The following DMGDH variants were observed in gnomAD, a reference collection of about 807,000 sequenced individuals.
DMGDH encodes the protein dimethylglycine dehydrogenase.
In DMGDH, 76 loss-of-function variants were observed where a neutral mutation model predicts 95.2. The ratio of observed to expected loss-of-function variants is 0.80; its 90% confidence interval spans 0.66 to 0.97. The LOEUF (loss-of-function observed/expected upper bound fraction) is 0.97, where lower values mean the gene tolerates loss of function less well. Among genes scored for constraint, DMGDH ranks in the 50% least tolerant of loss-of-function variants. The pLI is 0.00. For missense variants in DMGDH, 987 were observed against 1,055.0 expected (o/e 0.94, Z 0.89); for synonymous variants, 345 against 377.6 (o/e 0.91, Z 1.00).
At chr5:79,021,502 A>C in intron 14 of DMGDH, 3 of 1,271,174 alleles carry the variant, frequency 2.4e-6, no homozygotes, top group Non-Finnish European at 3.1e-6. Flanking sequence ...GACGGAAGGA[A>C]GCAAGGGCCA....
chr5:79,055,936 T>C (rs1217595558), intron 2 of DMGDH, 28 bp from the exon 3 acceptor site: 11 of 1,413,916 alleles, frequency 7.8e-6, no homozygotes, highest in Non-Finnish European at 1.1e-5. Context: ...AAAGAAATAC[T>C]GAAAAAAAAT....
rs1240506697 is a variant in DMGDH at position 79,015,703 on chromosome 5, T to C, written c.2250+8568A>G. Among the ~76,000 whole-genome samples, 6 of 152,266 alleles carry C rather than the reference T, an allele frequency of 3.9e-5. No homozygotes were observed. In the East Asian group the frequency reaches 1.2e-3, roughly 29 times the overall value. On this transcript the variant is annotated intron_variant, in intron 14 of 15. Coordinates refer to ENST00000255189, the MANE Select transcript of DMGDH (RefSeq NM_013391.3). ...AAAACAGGAAAAATAAACAAAATAA[T>C]GGCAAGCTCTAAGTGCTGTAAGGAG...
At position 79,011,575 on chromosome 5, in the gene DMGDH, T is replaced by C. The variant is rs141394038; in HGVS notation, c.2251-6168A>G. ...GAAATACCTGAGACTGGGTAATATA[T>C]AAAGAAAAGAGATTTAATTGGCTCA... On this transcript the variant is annotated intron_variant, in intron 14 of 15. Transcript: ENST00000255189. Among the ~76,000 whole-genome samples the C allele has an allele frequency of 7.7e-4, 118 of 152,268 alleles. 1 individual carries two copies. Among genetic ancestry groups the C allele is most frequent in the African/African-American group, 2.7e-3 (111 of 41,566 alleles).
chr5:78,998,398 T>C, intron 15 of DMGDH, 101 bp from the exon 16 acceptor site: 1 of 1,230,066 alleles, frequency 8.1e-7, no homozygotes, highest in Non-Finnish European at 1.2e-6. Flanking sequence ...ACTTACAAAA[T>C]GGAAGTTTTA....
intron 15 of DMGDH, among the ~76,000 whole-genome samples, chr5:79,003,154 G>C (rs1309235199): frequency 6.6e-6 from 1 of 152,192 alleles, no homozygotes; most frequent in Non-Finnish European, 1.5e-5. Context: ...TGGTGGAAGG[G>C]TAAGTGTAGA....
chr5:79,010,881 G>A (rs1195520091), intron 14 of DMGDH, among the ~76,000 whole-genome samples: 1 of 152,122 alleles, frequency 6.6e-6, no homozygotes, highest in East Asian at 1.9e-4. Context: ...ACTGTAAGTG[G>A]CAGAGTGGAG....
At chr5:79,055,959 A>G (rs1755019707) in intron 2 of DMGDH, 51 bp from the exon 3 acceptor site, 1 of 1,205,344 alleles carries the variant, frequency 8.3e-7, no homozygotes, top group East Asian at 2.4e-5. Flanking sequence ...ACATTCTCAA[A>G]ATGTTGACAG....
intron 6 of DMGDH, among the ~76,000 whole-genome samples, chr5:79,043,737 A>G (rs1580213868): frequency 6.6e-6 from 1 of 152,214 alleles, no homozygotes; most frequent in Admixed American, 6.5e-5. Flanking sequence ...AAACAGAACC[A>G]TCTCCCTTAA....
chr5:79,009,360 C>CTTTTTTTTTTT lies in DMGDH; in HGVS notation c.2251-3954_2251-3953insAAAAAAAAAAA, dbSNP rs372464439. On this transcript the variant is annotated intron_variant, in intron 14 of 15. Coordinates refer to ENST00000255189, the MANE Select transcript of DMGDH (RefSeq NM_013391.3). ...TTTCTTTCTTCTTTTCTTTTCTTTT[C>CTTTTTTTTTTT]TTTTCTTTTTTTTTTTTTGAGACAG... Among the ~76,000 whole-genome samples the CTTTTTTTTTTT allele has an allele frequency of 6.5e-5, 7 of 107,740 alleles. 1 individual carries two copies. Among genetic ancestry groups the CTTTTTTTTTTT allele is most frequent in the African/African-American group, 2.4e-4 (7 of 29,320 alleles). The allele number at this position is 107,740 out of a possible 152,430, so 70.7% of individuals were successfully genotyped here. A position where few individuals can be genotyped will look rare whatever the true frequency, so the allele number is the denominator to read the frequency against.
chr5:79,032,720 C>A lies in DMGDH; in HGVS notation c.1484G>T (p.Trp495Leu). The stretch of plus-strand genomic sequence containing the variant: ...AGTGTCCTGGCCTGGTTTGTAGAAC[C>A]AGTGCGGCTGCTCCCAGCCAGCATG... ...GFHAGWEQPH[W>L]FYKPGQDTQY... Residue 495 changes from tryptophan to leucine, a missense_variant, in exon 9 of 16, where the codon TGG becomes TTG. Physicochemically the swap from Trp to Leu is moderately conservative, Grantham distance 61 (BLOSUM62 -2). Coordinates refer to ENST00000255189, the MANE Select transcript of DMGDH (RefSeq NM_013391.3). 6.2e-7 allele frequency: 1 copy of A among 1,614,170 alleles called. No individual in the cohort carries two copies. Among genetic ancestry groups the A allele is most frequent in the Non-Finnish European group, 8.5e-7 (1 of 1,180,036 alleles).
chr5:79,034,237 A>AT (rs1212675315), intron 7 of DMGDH, among the ~76,000 whole-genome samples: 1 of 152,176 alleles, frequency 6.6e-6, no homozygotes, highest in Non-Finnish European at 1.5e-5. Flanking sequence ...AACTTGAGCC[A>AT]TTATCTTAGA....
Position 79,032,697 on chromosome 5 carries a change from T to G in DMGDH, c.1507A>C (p.Thr503Pro), listed in dbSNP as rs1407064551. 1 of 1,614,110 alleles carries G rather than the reference T, an allele frequency of 6.2e-7. No homozygotes were observed. The highest frequency in any genetic ancestry group is 1.1e-5 in the South Asian group (1 of 91,080). Residue 503 changes from threonine (T) to proline (P), a missense_variant, in exon 9 of 16, where the codon ACT (threonine) becomes CCT (proline). By Grantham distance (38) the Thr-to-Pro change is conservative. Transcript: ENST00000255189. ...AAGTCCTTCTCCCACCTGTACTGAG[T>G]GTCCTGGCCTGGTTTGTAGAACCAG... Reference protein sequence around the residue: ...PHWFYKPGQDTQYRPSFRRTN... With the variant: ...PHWFYKPGQDPQYRPSFRRTN...
intron 15 of DMGDH, chr5:79,000,693 A>G (rs1172171275): frequency 3.3e-6 from 2 of 613,266 alleles, no homozygotes; most frequent in African/African-American, 1.8e-5. Context: ...GTATTGGAAC[A>G]TCTCTTATTT....
At chr5:79,057,611 T>C (rs570128927) in intron 2 of DMGDH, among the ~76,000 whole-genome samples, 3 of 152,080 alleles carry the variant, frequency 2.0e-5, no homozygotes, top group African/African-American at 7.2e-5. Context: ...TCCATTACAA[T>C]GCACCTGTAA....
chr5:79,019,688 C>A (rs745948300), intron 14 of DMGDH, among the ~76,000 whole-genome samples: 2 of 152,022 alleles, frequency 1.3e-5, no homozygotes, highest in African/African-American at 4.8e-5. Flanking sequence ...AGTTCAAGAC[C>A]AACCTGGCCA....
Position 78,998,096 on chromosome 5 carries a change from T to G in DMGDH, c.2587A>C (p.Lys863Gln). The G allele has an allele frequency of 6.2e-7, 1 of 1,614,236 alleles. No individual in the cohort carries two copies. The change falls in exon 16 of 16, where the codon AAG (lysine) becomes CAG (glutamine). Residue 863 changes from lysine to glutamine, a missense_variant. Coordinates refer to ENST00000255189, the MANE Select transcript of DMGDH (RefSeq NM_013391.3). ...AAGGTCTTTTTTCAAGTTTTGTCCT[T>G]TCCACCTTTTTTCTGAAGCCGGTTT... The part of the protein sequence containing the change: ...TRNRLQKKGG[K>Q]DKT
In DMGDH at chr5:79,042,374, C is replaced by A; in HGVS notation, c.1102G>T (p.Val368Phe). The change falls in exon 7 of 16, where the codon GTC (valine) becomes TTC (phenylalanine). Residue 368 changes from valine to phenylalanine, a missense_variant. By Grantham distance (50) the Val-to-Phe change is conservative. Transcript: ENST00000255189. Reference protein sequence around the residue: ...VLKKADIINVVNGPITYSPDI... With the variant: ...VLKKADIINVFNGPITYSPDI... The stretch of plus-strand genomic sequence containing the variant: ...GGAGAATACGTGATAGGACCATTGA[C>A]AACATTGATGATGTCAGCCTTTTTC... 1.2e-6 allele frequency: 2 copies of A among 1,614,218 alleles called. No individual in the cohort carries two copies. The highest frequency in any genetic ancestry group is 1.7e-6 in the Non-Finnish European group (2 of 1,180,030).
At chr5:79,048,375 A>ATG (rs1368178231) in intron 5 of DMGDH, among the ~76,000 whole-genome samples, 2 of 152,108 alleles carry the variant, frequency 1.3e-5, no homozygotes, top group Admixed American at 1.3e-4. Context: ...TTTTACTCTT[A>ATG]GACTTTTCTT....
chr5:79,003,284 T>C (rs1238523314), intron 15 of DMGDH, among the ~76,000 whole-genome samples: 1 of 152,176 alleles, frequency 6.6e-6, no homozygotes, highest in Non-Finnish European at 1.5e-5. Flanking sequence ...AATGGCTTCA[T>C]TTTACAGATG....
Sources: gnomAD v4.1 joint callset for allele counts (sites outside exome capture counted in the v4.1 genomes callset) on GRCh38, gnomAD v4.1.1 for gene constraint, MANE v1.5 for transcripts, NCBI Gene and HGNC (gene_info 2026-07-23, HGNC 2026-07-21) for gene names.